Variants in FGGY observed in about 807,000 individuals in gnomAD.
FGGY encodes the protein FGGY carbohydrate kinase domain containing, also known as FGGY carbohydrate kinase domain-containing protein.
A neutral mutation model predicts 71.3 loss-of-function variants in FGGY; 72 were observed. The ratio of observed to expected loss-of-function variants is 1.01; its 90% CI spans 0.84 to 1.23. The LOEUF (loss-of-function observed/expected upper bound fraction) is 1.23. Ranked by LOEUF, FGGY falls within the 50% of genes most tolerant of loss-of-function variation. FGGY has a pLI of 0.00. For missense variants in FGGY, 668 were observed against 682.3 expected, an observed-to-expected ratio of 0.98 and a Z score of 0.23; for synonymous variants, 251 against 250.3, an observed-to-expected ratio of 1.00 and a Z score of -0.02.
At chr1:59,485,701 G>T (rs955797056) in intron 6 of FGGY, among the ~76,000 whole-genome samples, 1 of 152,122 alleles carries the variant, frequency 6.6e-6, no homozygotes, top group Admixed American at 6.6e-5. Context: ...TTAAATTAAG[G>T]TAGTAAGTTT....
chr1:59,634,257 T>A (rs1057401391), intron 10 of FGGY, among the ~76,000 whole-genome samples: 2 of 151,714 alleles, frequency 1.3e-5, no homozygotes, highest in African/African-American at 4.8e-5. Context: ...ATACAAAAAA[T>A]TTAGCTGGGC....
At chr1:59,435,842 A>G (rs565494974) in intron 5 of FGGY, among the ~76,000 whole-genome samples, 17 of 150,916 alleles carry the variant, frequency 1.1e-4, no homozygotes, top group African/African-American at 4.1e-4. Flanking sequence ...GATTTTTGTC[A>G]CGTTCACTGC....
At chr1:59,543,799 TTA>T (rs1454440695) in intron 7 of FGGY, among the ~76,000 whole-genome samples, 2 of 152,170 alleles carry the variant, frequency 1.3e-5, no homozygotes, top group African/African-American at 4.8e-5. Flanking sequence ...CTGGTTTGTT[TTA>T]TGTTTTTGAG....
At chr1:59,479,343 G>C (rs1047782954) in intron 6 of FGGY, among the ~76,000 whole-genome samples, 1 of 152,164 alleles carries the variant, frequency 6.6e-6, no homozygotes, top group African/African-American at 2.4e-5. Context: ...GTGTTCCACT[G>C]TTTGGTTGAT....
intron 11 of FGGY, among the ~76,000 whole-genome samples, chr1:59,657,232 A>AC (rs757024532): frequency 3.0e-4 from 45 of 152,254 alleles, no homozygotes; most frequent in Non-Finnish European, 5.4e-4. Context: ...GTCATATTTT[A>AC]CCCCCACTCC....
chr1:59,639,208 C>T (rs909800651), intron 11 of FGGY, among the ~76,000 whole-genome samples: 2 of 152,082 alleles, frequency 1.3e-5, no homozygotes, highest in Non-Finnish European at 2.9e-5. Flanking sequence ...CAAAGGAAGC[C>T]GCGTAACAGT....
At chr1:59,741,762 C>T (rs958641189) in intron 14 of FGGY, among the ~76,000 whole-genome samples, 2 of 151,948 alleles carry the variant, frequency 1.3e-5, no homozygotes, top group African/African-American at 4.8e-5. Context: ...TGGTGAAACC[C>T]CATCTCTACT....
chr1:59,410,962 C>A (rs2063521182), intron 5 of FGGY, among the ~76,000 whole-genome samples: 1 of 152,170 alleles, frequency 6.6e-6, no homozygotes, highest in Non-Finnish European at 1.5e-5. Flanking sequence ...CAACTTCTTT[C>A]TTTCTCTCCT....
intron 11 of FGGY, among the ~76,000 whole-genome samples, chr1:59,641,973 T>G (rs2097033614): frequency 6.6e-6 from 1 of 152,132 alleles, no homozygotes; most frequent in Non-Finnish European, 1.5e-5. Flanking sequence ...AAGCAGCCAG[T>G]GAGTTTAAAT....
At chr1:59,762,178 C>T (rs938888494) in intron 15 of FGGY, among the ~76,000 whole-genome samples, 1 of 108,314 alleles carries the variant, frequency 9.2e-6, no homozygotes, top group African/African-American at 3.1e-5. Context: ...CAACCTCCGC[C>T]CCCCGGGTTC....
chr1:59,442,375 A>C (rs1190954675), intron 5 of FGGY, among the ~76,000 whole-genome samples: 6 of 152,192 alleles, frequency 3.9e-5, no homozygotes, highest in Non-Finnish European at 7.3e-5. Context: ...TTGATCCCTG[A>C]AAGATATTGA....
chr1:59,474,762 A>G (rs2093175958), intron 6 of FGGY, among the ~76,000 whole-genome samples: 1 of 152,230 alleles, frequency 6.6e-6, no homozygotes, highest in African/African-American at 2.4e-5. Flanking sequence ...ACGAGAATAA[A>G]TAAGTAATAA....
At chr1:59,625,964 T>G (rs1331079831) in intron 9 of FGGY, 24 bp from the exon 10 acceptor site, 4 of 1,573,760 alleles carry the variant, frequency 2.5e-6, no homozygotes, top group Non-Finnish European at 3.4e-6. Context: ...GCTATAAAAT[T>G]GACCCATGTC....
intron 7 of FGGY, among the ~76,000 whole-genome samples, chr1:59,541,927 C>A (rs1422623588): frequency 6.6e-6 from 1 of 152,180 alleles, no homozygotes; most frequent in Non-Finnish European, 1.5e-5. Context: ...TGGGCATCAT[C>A]ATAGCAGTTG....
At chr1:59,500,167 A>G (rs1231201002) in intron 6 of FGGY, among the ~76,000 whole-genome samples, 1 of 152,206 alleles carries the variant, frequency 6.6e-6, no homozygotes. Context: ...GATCAGAGCA[A>G]ATTCCAGGGT....
At chr1:59,534,589 G>A (rs1288288944) in intron 7 of FGGY, among the ~76,000 whole-genome samples, 2 of 152,128 alleles carry the variant, frequency 1.3e-5, no homozygotes, top group South Asian at 2.1e-4. Flanking sequence ...GAGAAAGGTA[G>A]GGTTATCCTC....
intron 7 of FGGY, among the ~76,000 whole-genome samples, chr1:59,534,165 C>T (rs999539809): frequency 5.3e-5 from 8 of 152,044 alleles, no homozygotes; most frequent in South Asian, 2.1e-4. Flanking sequence ...AACCAAGGCT[C>T]GAGAACTACG....
chr1:59,359,458 A>G (rs750953539), intron 4 of FGGY, among the ~76,000 whole-genome samples: 14 of 152,226 alleles, frequency 9.2e-5, no homozygotes, highest in Non-Finnish European at 1.9e-4. Flanking sequence ...TTTGTATTCC[A>G]GCACATTATA....
intron 9 of FGGY, among the ~76,000 whole-genome samples, chr1:59,625,664 C>G (rs915209036): frequency 1.2e-4 from 18 of 152,092 alleles, no homozygotes; most frequent in African/African-American, 2.9e-4. Flanking sequence ...TCAGACCCCC[C>G]CCATTTGACA....
Sources: allele counts gnomAD v4.1 joint callset (sites outside exome capture counted in the v4.1 genomes callset), GRCh38; gene constraint gnomAD v4.1.1; transcripts MANE v1.5; gene names NCBI Gene and HGNC (gene_info 2026-07-23, HGNC 2026-07-21).